CSMD1: variants seen among roughly 807,000 people sequenced by gnomAD.
CSMD1 encodes the protein CUB and Sushi multiple domains 1.
A neutral mutation model predicts 417.5 loss-of-function variants in CSMD1; 213 were observed. That is an observed-to-expected ratio of 0.51 (90% CI 0.46 to 0.57). CSMD1 has a LOEUF of 0.57. Ranked by LOEUF, CSMD1 falls within the 20% of genes least tolerant of loss-of-function variation. The pLI, the probability that CSMD1 is intolerant of heterozygous loss-of-function variation, is 0.00. For synonymous variants in CSMD1, 2,862 were observed against 1,736.8 expected, an observed-to-expected ratio of 1.65 and a Z score of -16.11; for missense variants, 6,923 against 4,529.7, an observed-to-expected ratio of 1.53 and a Z score of -15.17.
intron 5 of CSMD1, among the ~76,000 whole-genome samples, chr8:3,946,016 A>T (rs538288046): frequency 6.6e-6 from 1 of 152,166 alleles, no homozygotes. Context: ...AATTTTGCTC[A>T]TAACATTCTA....
chr8:4,533,532 G>T (rs1390824141), intron 2 of CSMD1, among the ~76,000 whole-genome samples: 1 of 152,010 alleles, frequency 6.6e-6, no homozygotes, highest in Non-Finnish European at 1.5e-5. Context: ...GACCTTTTGG[G>T]AACACAATAT....
At chr8:3,242,973 G>C (rs926545513) in intron 26 of CSMD1, among the ~76,000 whole-genome samples, 1 of 152,098 alleles carries the variant, frequency 6.6e-6, no homozygotes, top group Admixed American at 6.6e-5. Flanking sequence ...CCTGCAATGG[G>C]GAGGCTGCCT....
intron 3 of CSMD1, among the ~76,000 whole-genome samples, chr8:4,089,605 G>C (rs1015592933): frequency 6.6e-6 from 1 of 152,164 alleles, no homozygotes; most frequent in African/African-American, 2.4e-5. Flanking sequence ...GTTAAATGGG[G>C]ATAATAAAAT....
chr8:2,989,552 T>A (rs192077722), intron 54 of CSMD1, among the ~76,000 whole-genome samples: 1 of 152,278 alleles, frequency 6.6e-6, no homozygotes, highest in East Asian at 1.9e-4. Flanking sequence ...AGGCAAGAAG[T>A]TTAAAAAACA....
intron 57 of CSMD1, among the ~76,000 whole-genome samples, chr8:2,967,921 G>A (rs1030803840): frequency 6.6e-5 from 10 of 152,100 alleles, no homozygotes; most frequent in Non-Finnish European, 1.3e-4. Context: ...ATAATACAAA[G>A]TGCACACGCT....
intron 1 of CSMD1, among the ~76,000 whole-genome samples, chr8:4,780,440 C>T (rs550640197): frequency 6.9e-6 from 1 of 143,952 alleles, no homozygotes; most frequent in East Asian, 2.3e-4. Flanking sequence ...TGTCTGTCTA[C>T]CTACCTACCT....
chr8:3,270,030 C>G (rs1367046582), intron 26 of CSMD1, among the ~76,000 whole-genome samples: 3 of 146,192 alleles, frequency 2.1e-5, no homozygotes, highest in Non-Finnish European at 3.0e-5. Flanking sequence ...TGAGCAAGGA[C>G]TTTCTCTAAC....
intron 26 of CSMD1, among the ~76,000 whole-genome samples, chr8:3,244,307 G>C (rs911912307): frequency 3.9e-5 from 6 of 152,156 alleles, no homozygotes; most frequent in Non-Finnish European, 7.3e-5. Context: ...ACTGGAGTCA[G>C]GCTGCGGCAA....
intron 2 of CSMD1, among the ~76,000 whole-genome samples, chr8:4,438,850 G>T (rs147527942): frequency 6.6e-6 from 1 of 152,302 alleles, no homozygotes; most frequent in African/African-American, 2.4e-5. Flanking sequence ...TGTATTATCT[G>T]AATCTGTATC....
intron 3 of CSMD1, among the ~76,000 whole-genome samples, chr8:4,246,140 G>A (rs1329300770): frequency 6.6e-6 from 1 of 152,088 alleles, no homozygotes; most frequent in Non-Finnish European, 1.5e-5. Context: ...ATTAAGCCTA[G>A]TACCCATTAT....
chr8:4,752,234 T>G (rs1811377569), intron 1 of CSMD1, among the ~76,000 whole-genome samples: 1 of 152,208 alleles, frequency 6.6e-6, no homozygotes, highest in African/African-American at 2.4e-5. Context: ...AATTTTTTTG[T>G]CTCAGTGTAT....
chr8:4,761,387 T>C (rs950850068), intron 1 of CSMD1, among the ~76,000 whole-genome samples: 11 of 151,042 alleles, frequency 7.3e-5, no homozygotes, highest in Non-Finnish European at 1.3e-4. Context: ...TGTGTGTGTA[T>C]ATATATATAT....
At chr8:4,086,281 C>G (rs965299750) in intron 3 of CSMD1, among the ~76,000 whole-genome samples, 3 of 152,164 alleles carry the variant, frequency 2.0e-5, no homozygotes, top group Non-Finnish European at 2.9e-5. Context: ...GAGGGACTTA[C>G]TCGAGGCCAC....
chr8:4,589,702 A>G (rs1276627321), intron 2 of CSMD1, among the ~76,000 whole-genome samples: 3 of 152,232 alleles, frequency 2.0e-5, no homozygotes, highest in Admixed American at 2.0e-4. Context: ...GAATGGTACA[A>G]TTAGAAACAC....
At chr8:3,772,652 TATATAC>T (rs1798678420) in intron 5 of CSMD1, among the ~76,000 whole-genome samples, 2 of 145,034 alleles carry the variant, frequency 1.4e-5, no homozygotes, top group African/African-American at 2.5e-5. Context: ...CATATATACA[TATATAC>T]ATACATTTAT....
chr8:4,097,737 C>G (rs370506165), intron 3 of CSMD1, among the ~76,000 whole-genome samples: 10 of 152,152 alleles, frequency 6.6e-5, no homozygotes, highest in Non-Finnish European at 1.2e-4. Flanking sequence ...ACTTAAAAAA[C>G]AAATTCAGTG....
chr8:3,622,094 C>T (rs1584975263), intron 7 of CSMD1, among the ~76,000 whole-genome samples: 1 of 152,004 alleles, frequency 6.6e-6, no homozygotes, highest in Admixed American at 6.6e-5. Flanking sequence ...ACAGTCTGCA[C>T]TATGTGCTGG....
chr8:4,275,025 T>C (rs918012782), intron 3 of CSMD1, among the ~76,000 whole-genome samples: 2 of 152,134 alleles, frequency 1.3e-5, no homozygotes, highest in African/African-American at 2.4e-5. Flanking sequence ...CATTTTTCCA[T>C]TGGTATCCCT....
chr8:3,285,871 T>C (rs1002809345), intron 25 of CSMD1, among the ~76,000 whole-genome samples: 1 of 151,952 alleles, frequency 6.6e-6, no homozygotes, highest in Non-Finnish European at 1.5e-5. Flanking sequence ...TTAAGGTAAA[T>C]GTGCACAACG....
Sources: allele counts gnomAD v4.1 joint callset (sites outside exome capture counted in the v4.1 genomes callset), GRCh38; gene constraint gnomAD v4.1.1; transcripts MANE v1.5; gene names NCBI Gene and HGNC (gene_info 2026-07-23, HGNC 2026-07-21).